Variants in BTK observed in about 807,000 individuals in gnomAD.
The protein encoded by BTK is Bruton tyrosine kinase.
In BTK, 5 loss-of-function variants were observed where a neutral mutation model predicts 57.4. The ratio of observed to expected loss-of-function variants is 0.09; its 90% confidence interval spans 0.05 to 0.18. BTK has a LOEUF of 0.18. BTK is among the 10% of genes least tolerant of loss of function. The pLI, the probability that BTK is intolerant of heterozygous loss-of-function variation, is 1.00. For missense variants in BTK, 194 were observed against 501.2 expected (o/e 0.39, Z 5.85); for synonymous variants, 154 against 174.3 (o/e 0.88, Z 0.92).
chrX:101,382,311 T>TTTTATTTA (rs781942193), intron 1 of BTK, among the ~76,000 whole-genome samples: 2,731 of 104,438 alleles, frequency 0.026, 118 homozygotes, highest in African/African-American at 0.091. Flanking sequence ...GCAGTTCATG[T>TTTTATTTA]TTTATTTATT....
At chrX:101,358,998 C>T (rs112091475) in intron 10 of BTK, among the ~76,000 whole-genome samples, 1 of 111,347 alleles carries the variant, frequency 9.0e-6, no homozygotes, top group Non-Finnish European at 1.9e-5. Flanking sequence ...ATTAGTCGGG[C>T]GTGGTGGCAT....
At chrX:101,363,899 T>G (rs1555979094) in intron 5 of BTK, among the ~76,000 whole-genome samples, 1 of 83,927 alleles carries the variant, frequency 1.2e-5, no homozygotes, top group East Asian at 3.4e-4. Flanking sequence ...TTATTATTAT[T>G]ATTATTATTA....
At chrX:101,390,466 A>C (rs1555983058), upstream of BTK, 1 of 515,395 alleles carries the variant, frequency 1.9e-6, no homozygotes, top group South Asian at 2.5e-5. Context: ...TAAGCCTATT[A>C]GATTACTGTA....
upstream of BTK, among the ~76,000 whole-genome samples, chrX:101,388,504 T>C (rs923069089): frequency 2.1e-4 from 24 of 112,056 alleles, no homozygotes; most frequent in African/African-American, 7.1e-4. Context: ...GAGGAAAATA[T>C]AAAAAGTAGC....
intron 4 of BTK, among the ~76,000 whole-genome samples, chrX:101,371,179 C>T (rs192031491): frequency 2.0e-4 from 22 of 112,306 alleles, no homozygotes; most frequent in Non-Finnish European, 3.9e-4. Flanking sequence ...GGCACTTCAG[C>T]TCTTCCAGAT....
At chrX:101,351,928 C>G (rs1926299286) in intron 18 of BTK, among the ~76,000 whole-genome samples, 2 of 111,484 alleles carry the variant, frequency 1.8e-5, no homozygotes, top group Non-Finnish European at 3.8e-5. Flanking sequence ...CTTTGGGAGG[C>G]AGAGGCGGGT....
chrX:101,362,856 C>A lies in BTK; in HGVS notation c.392-167G>T, dbSNP rs150668927. 791 of 642,302 alleles carry A rather than the reference C, an allele frequency of 1.2e-3. 2 individuals carry two copies. The highest frequency in any genetic ancestry group is 0.01 in the Middle Eastern group (27 of 2,606). 52.9% of individuals were successfully genotyped at this position (642,302 alleles called of 1,213,427 possible). A position where few individuals can be genotyped will look rare whatever the true frequency, so the allele number is the denominator to read the frequency against. ...CAGTTGGCTCACATGACTGGCCTGC[C>A]TGACTGTGCCCTGGTCCCAGACAGT... On this transcript the variant is annotated intron_variant, in intron 5 of 18. Transcript: ENST00000308731.
intron 18 of BTK, among the ~76,000 whole-genome samples, chrX:101,352,539 C>T (rs979015828): frequency 2.6e-4 from 29 of 110,537 alleles, no homozygotes; most frequent in Admixed American, 2.0e-3. Context: ...CCGAGGTGGG[C>T]GGATCACTTG....
At chrX:101,362,804 A>T in intron 5 of BTK, 115 bp from the exon 6 acceptor site, 3 of 1,034,057 alleles carry the variant, frequency 2.9e-6, no homozygotes, top group Non-Finnish European at 4.1e-6. Flanking sequence ...CTCCTTGGCC[A>T]CCCTGAAGGA....
chrX:101,356,136 C>T lies in BTK; in HGVS notation c.1482G>A (p.Gln494=), dbSNP rs1555977817. ...TGCACATCTCTAGCAGCTGCTGAGT[C>T]TGGAAGCGGTGGCGCATCTCCCTCA... ...NYLREMRHRF[Q]TQQLLEMCKD... The change falls in exon 15 of 19, where the codon CAG becomes CAA. Residue 494 remains glutamine, a synonymous_variant. Coordinates refer to ENST00000308731, the MANE Select transcript of BTK (RefSeq NM_000061.3). The T allele has an allele frequency of 1.7e-6, 2 of 1,209,470 alleles. No individual in the cohort carries two copies. The highest frequency in any genetic ancestry group is 2.2e-5 in the Admixed American group (1 of 45,674).
rs1419785073 is a variant in BTK, at chrX:101,360,711, G to A, written c.633C>T (p.Val211=). ...CAACCTTTTTCAGCTCACTTGTGGAGACTGGTGCTGCTGCTGGCTCAGGCG... is the reference window on the plus strand; with the variant it reads ...CAACCTTTTTCAGCTCACTTGTGGAAACTGGTGCTGCTGCTGGCTCAGGCG... ...PLPPEPAAAP[V]STSELKKVVA... Residue 211 remains valine, a synonymous_variant, in exon 8 of 19, where the codon GTC becomes GTT. Transcript: ENST00000308731. 21 of 1,209,726 alleles carry A rather than the reference G, an allele frequency of 1.7e-5. No homozygotes were observed. Among genetic ancestry groups the A allele is most frequent in the Non-Finnish European group, 2.3e-5 (21 of 895,217 alleles).
intron 17 of BTK, 102 bp from the exon 18 acceptor site, chrX:101,353,453 C>T: frequency 1.1e-6 from 1 of 896,458 alleles, no homozygotes; most frequent in Non-Finnish European, 1.6e-6. Flanking sequence ...CAGTTGGTTC[C>T]CCGCTCTGTG....
chrX:101,353,107 G>T, intron 18 of BTK, 87 bp downstream of exon 18: 1 of 840,866 alleles, frequency 1.2e-6, no homozygotes, highest in South Asian at 2.2e-5. Context: ...AATGTGTGCA[G>T]CTATCAGTCT....
rs183017930 is a variant in BTK at position 101,355,159 on chromosome X, C to T, written c.1567-465G>A. Among the ~76,000 whole-genome samples the T allele has an allele frequency of 4.0e-3, 449 of 112,033 alleles. 1 individual carries two copies. Among genetic ancestry groups the T allele is most frequent in the Non-Finnish European group, 6.4e-3 (343 of 53,193 alleles). ...GGGCGTGGTGTTGGGCGCCTGTGAT[C>T]CCAGCTACTTGGGAGGCTGAGGCAG... On this transcript the variant is annotated intron_variant, in intron 15 of 18. Transcript: ENST00000308731.
chrX:101,359,189 G>T, intron 10 of BTK, 104 bp downstream of exon 10: 1 of 914,866 alleles, frequency 1.1e-6, no homozygotes, highest in Non-Finnish European at 1.6e-6. Context: ...GACGATGGCA[G>T]CTTTGACACT....
At chrX:101,357,992 C>T (rs1444430837) in intron 12 of BTK, among the ~76,000 whole-genome samples, 3 of 111,718 alleles carry the variant, frequency 2.7e-5, no homozygotes, top group Non-Finnish European at 1.9e-5. Flanking sequence ...AGAATGTTCC[C>T]GTGTTCTCCT....
At chrX:101,374,691 G>T in intron 2 of BTK, 57 bp from the exon 3 acceptor site, 1 of 998,024 alleles carries the variant, frequency 1.0e-6, no homozygotes, top group Non-Finnish European at 1.4e-6. Flanking sequence ...TAAGCAACCA[G>T]ATGATTAGAT....
chrX:101,384,328 TG>T (rs1401889695), intron 1 of BTK, among the ~76,000 whole-genome samples: 1 of 112,247 alleles, frequency 8.9e-6, no homozygotes, highest in Non-Finnish European at 1.9e-5. Flanking sequence ...GTGGGTGCGG[TG>T]GCTCACGCCT....
chrX:101,367,584 C>T (rs1288880835), intron 5 of BTK, among the ~76,000 whole-genome samples: 1 of 109,045 alleles, frequency 9.2e-6, no homozygotes, highest in Non-Finnish European at 1.9e-5. Flanking sequence ...TGCAGTGAGC[C>T]GAGATCGTGC....
Sources: allele counts gnomAD v4.1 joint callset (sites outside exome capture counted in the v4.1 genomes callset), GRCh38; gene constraint gnomAD v4.1.1; transcripts MANE v1.5; gene names NCBI Gene and HGNC (gene_info 2026-07-23, HGNC 2026-07-21).